Variants in CTNNA3 observed in about 807,000 individuals in gnomAD.
The protein encoded by CTNNA3 is catenin alpha-3.
CTNNA3 carries 76 observed loss-of-function variants against 95.7 expected under a neutral mutation model. The ratio of observed to expected loss-of-function variants is 0.79; its 90% CI spans 0.66 to 0.96. The LOEUF (loss-of-function observed/expected upper bound fraction) is 0.96, where lower values mean the gene tolerates loss of function less well. Among genes scored for constraint, CTNNA3 ranks in the 40% least tolerant of loss-of-function variants. The pLI is 0.00. For synonymous variants in CTNNA3, 431 were observed against 374.4 expected (o/e 1.15, Z -1.74); for missense variants, 1,191 against 1,089.8 (o/e 1.09, Z -1.31).
At chr10:67,721,212 A>T (rs1031891896) in intron 1 of CTNNA3, among the ~76,000 whole-genome samples, 30 of 152,088 alleles carry the variant, frequency 2.0e-4, no homozygotes, top group Non-Finnish European at 4.4e-5. Context: ...CTGTCTTGCT[A>T]GGCTGGGGAA....
chr10:67,468,697 T>C (rs938819051), intron 5 of CTNNA3, among the ~76,000 whole-genome samples: 1 of 152,152 alleles, frequency 6.6e-6, no homozygotes, highest in African/African-American at 2.4e-5. Context: ...CTTTCCCCTT[T>C]TACTGGTTAG....
chr10:67,309,237 CT>C (rs1840683629), intron 5 of CTNNA3, among the ~76,000 whole-genome samples: 2 of 152,080 alleles, frequency 1.3e-5, no homozygotes, highest in South Asian at 2.1e-4. Flanking sequence ...TATGCACAAA[CT>C]TTTTCTTGAG....
At chr10:66,682,970 G>A (rs768110767) in intron 9 of CTNNA3, among the ~76,000 whole-genome samples, 29 of 152,102 alleles carry the variant, frequency 1.9e-4, no homozygotes, top group South Asian at 2.1e-4. Flanking sequence ...TGGAGCAAAT[G>A]CAATGAGTGT....
intron 11 of CTNNA3, among the ~76,000 whole-genome samples, chr10:66,505,136 A>C (rs1276771296): frequency 6.6e-6 from 1 of 152,160 alleles, no homozygotes; most frequent in Non-Finnish European, 1.5e-5. Context: ...CATAATACTC[A>C]AAGAACAGTC....
chr10:67,241,428 A>T (rs1168109016), intron 5 of CTNNA3, among the ~76,000 whole-genome samples: 1 of 152,162 alleles, frequency 6.6e-6, no homozygotes, highest in Non-Finnish European at 1.5e-5. Context: ...TTCAAAAAAA[A>T]AAAAATCCAT....
At chr10:67,189,104 G>A (rs950290471) in intron 6 of CTNNA3, among the ~76,000 whole-genome samples, 9 of 150,644 alleles carry the variant, frequency 6.0e-5, no homozygotes, top group South Asian at 2.1e-4. Flanking sequence ...GTGACAGAGC[G>A]AGACCCTGTC....
intron 6 of CTNNA3, among the ~76,000 whole-genome samples, chr10:67,185,027 T>A (rs986997336): frequency 5.9e-5 from 9 of 152,310 alleles, no homozygotes; most frequent in African/African-American, 1.7e-4. Flanking sequence ...ATGTAAAATG[T>A]AAACTAGAAT....
At chr10:66,708,132 C>T (rs1425724991) in intron 9 of CTNNA3, among the ~76,000 whole-genome samples, 2 of 151,802 alleles carry the variant, frequency 1.3e-5, no homozygotes, top group Admixed American at 6.6e-5. Context: ...CTATAAAACA[C>T]ATCAACTCTG....
intron 7 of CTNNA3, among the ~76,000 whole-genome samples, chr10:66,879,746 A>G (rs1380319470): frequency 6.6e-6 from 1 of 152,120 alleles, no homozygotes; most frequent in Non-Finnish European, 1.5e-5. Flanking sequence ...GAATAGATAG[A>G]GACAGAAGGC....
chr10:66,008,719 T>C (rs555901686), intron 15 of CTNNA3, among the ~76,000 whole-genome samples: 1 of 152,246 alleles, frequency 6.6e-6, no homozygotes, highest in African/African-American at 2.4e-5. Flanking sequence ...CTATTTTAAA[T>C]ATCTTGCTAA....
At chr10:66,587,439 G>C (rs747708192) in intron 10 of CTNNA3, among the ~76,000 whole-genome samples, 4 of 152,070 alleles carry the variant, frequency 2.6e-5, no homozygotes, top group Non-Finnish European at 4.4e-5. Flanking sequence ...AATGGGTAGG[G>C]CCATGGAGCT....
intron 11 of CTNNA3, among the ~76,000 whole-genome samples, chr10:66,469,175 C>T (rs893180005): frequency 6.6e-6 from 1 of 151,782 alleles, no homozygotes; most frequent in Non-Finnish European, 1.5e-5. Flanking sequence ...CCTTTTGGGG[C>T]TCACATATTC....
intron 12 of CTNNA3, among the ~76,000 whole-genome samples, chr10:66,331,043 T>C (rs1286923297): frequency 1.3e-5 from 2 of 152,056 alleles, no homozygotes; most frequent in Non-Finnish European, 2.9e-5. Context: ...TGGTAGTTTC[T>C]TTTGCTGTGC....
intron 12 of CTNNA3, among the ~76,000 whole-genome samples, chr10:66,367,880 A>AATAATT (rs1207307669): frequency 1.5e-4 from 7 of 47,170 alleles, no homozygotes; most frequent in African/African-American, 6.9e-4. Flanking sequence ...TAATAATAAT[A>AATAATT]ATTATTATTA....
chr10:66,247,282 T>C (rs1472473741), intron 13 of CTNNA3, among the ~76,000 whole-genome samples: 2 of 152,012 alleles, frequency 1.3e-5, no homozygotes, highest in African/African-American at 4.8e-5. Context: ...AAATAGAACA[T>C]GTGGTAGATT....
chr10:66,342,555 T>A (rs983435203), intron 12 of CTNNA3, among the ~76,000 whole-genome samples: 2 of 152,086 alleles, frequency 1.3e-5, no homozygotes, highest in African/African-American at 4.8e-5. Flanking sequence ...TAGAAAACAA[T>A]GTTGCATAGA....
At chr10:66,426,491 A>C (rs1246215982) in intron 11 of CTNNA3, among the ~76,000 whole-genome samples, 1 of 152,052 alleles carries the variant, frequency 6.6e-6, no homozygotes, top group Non-Finnish European at 1.5e-5. Flanking sequence ...ATATTTGAAA[A>C]TGTCTCTATT....
chr10:65,970,479 G>A (rs1003405574), intron 16 of CTNNA3, among the ~76,000 whole-genome samples: 2 of 151,812 alleles, frequency 1.3e-5, no homozygotes, highest in African/African-American at 4.8e-5. Context: ...GCACAGAGTG[G>A]CAAGTTGGAT....
At chr10:66,466,053 ACACTTGAG>A (rs1838898887) in intron 11 of CTNNA3, among the ~76,000 whole-genome samples, 2 of 152,046 alleles carry the variant, frequency 1.3e-5, no homozygotes, top group Admixed American at 1.3e-4. Context: ...TTAAATCAGT[ACACTTGAG>A]TAAAACAGAT....
Sources: allele counts gnomAD v4.1 joint callset (sites outside exome capture counted in the v4.1 genomes callset), GRCh38; gene constraint gnomAD v4.1.1; transcripts MANE v1.5; gene names NCBI Gene and HGNC (gene_info 2026-07-23, HGNC 2026-07-21).